MATN2: variants seen among roughly 807,000 people sequenced by gnomAD.
The protein encoded by MATN2 is matrilin-2.
MATN2 carries 69 observed loss-of-function variants against 103.2 expected under a neutral mutation model. That is an observed-to-expected ratio of 0.67 (90% CI 0.55 to 0.82). The LOEUF (loss-of-function observed/expected upper bound fraction) is 0.82, where lower values mean the gene tolerates loss of function less well. Ranked by LOEUF, MATN2 falls within the 40% of genes least tolerant of loss-of-function variation. MATN2 has a pLI of 0.00. For synonymous variants in MATN2, 429 were observed against 450.2 expected, an observed-to-expected ratio of 0.95 and a Z score of 0.60; for missense variants, 1,023 against 1,211.5, an observed-to-expected ratio of 0.84 and a Z score of 2.31.
intron 2 of MATN2, among the ~76,000 whole-genome samples, chr8:97,921,134 G>A (rs770242520): frequency 2.6e-5 from 4 of 152,128 alleles, no homozygotes; most frequent in Admixed American, 6.5e-5. Context: ...TTCTGGGCCT[G>A]TCTGTGTTAC....
At chr8:97,945,717 A>AATATATATATATATATATAT (rs1554605716) in intron 4 of MATN2, among the ~76,000 whole-genome samples, 6 of 121,830 alleles carry the variant, frequency 4.9e-5, no homozygotes, top group African/African-American at 1.9e-4. Flanking sequence ...AAAAAAAAAA[A>AATATATATATATATATATAT]ATATATATAT....
intron 2 of MATN2, among the ~76,000 whole-genome samples, chr8:97,900,546 G>A (rs1477454314): frequency 6.6e-6 from 1 of 152,166 alleles, no homozygotes; most frequent in Non-Finnish European, 1.5e-5. Flanking sequence ...GCAAAGGCTG[G>A]GAAGGGCTGC....
intron 2 of MATN2, among the ~76,000 whole-genome samples, chr8:97,907,271 G>A (rs556092190): frequency 5.8e-4 from 87 of 150,974 alleles, no homozygotes; most frequent in African/African-American, 2.0e-3. Context: ...AAACTGCTGG[G>A]ATTACAGAAG....
chr8:98,007,212 C>G lies in MATN2; in HGVS notation c.1435C>G (p.Leu479Val). The G allele has an allele frequency of 6.2e-7, 1 of 1,613,956 alleles. No individual in the cohort carries two copies. The highest frequency in any genetic ancestry group is 2.2e-5 in the East Asian group (1 of 44,876). The change falls in exon 9 of 19, where the codon CTC becomes GTC. Residue 479 changes from leucine to valine, a missense_variant. Transcript: ENST00000254898. This position sits in a 1 kb window ranked among gnomAD's most constrained non-coding sequence, Gnocchi z 4.2. ...CSEGFLINED[L>V]KTCSRVDYCL... Reference sequence around the variant, plus strand: ...AGAAGGCTTCCTCATCAACGAGGACCTCAAGACCTGCTCCCGTGAGTCCCT... The same window carrying G: ...AGAAGGCTTCCTCATCAACGAGGACGTCAAGACCTGCTCCCGTGAGTCCCT...
intron 2 of MATN2, among the ~76,000 whole-genome samples, chr8:97,914,441 G>A (rs1160603489): frequency 3.1e-5 from 4 of 129,086 alleles, no homozygotes; most frequent in African/African-American, 8.9e-5. Context: ...CACAATAATG[G>A]CTTACTGCAT....
chr8:97,961,508 T>A lies in MATN2; in HGVS notation c.936T>A (p.Ala312=). ...AGTGCTACAGTGGCTACGCCCTGGC[T>A]GAGGATGGGAAGAGGTGTGTGGGTG... is the stretch of plus-strand genomic sequence containing the variant. ...VCQCYSGYAL[A]EDGKRCVAVD... is the part of the protein sequence containing the mutation. Residue 312 remains alanine (A), a synonymous_variant, in exon 5 of 19, where the codon GCT becomes GCA. Transcript: ENST00000254898. 6.2e-7 allele frequency: 1 copy of A among 1,613,330 alleles called. No individual in the cohort carries two copies. Among genetic ancestry groups the A allele is most frequent in the Non-Finnish European group, 8.5e-7 (1 of 1,179,554 alleles).
chr8:98,013,437 A>G (rs1446660412), intron 10 of MATN2, among the ~76,000 whole-genome samples: 1 of 152,226 alleles, frequency 6.6e-6, no homozygotes, highest in Non-Finnish European at 1.5e-5. Flanking sequence ...GGTGGATCTA[A>G]TTACCCTCAA....
intron 5 of MATN2, among the ~76,000 whole-genome samples, chr8:97,963,323 C>T (rs761816061): frequency 6.6e-6 from 1 of 152,032 alleles, no homozygotes; most frequent in African/African-American, 2.4e-5. Context: ...CTTCAGGAAA[C>T]AGGATGAGGG....
intron 2 of MATN2, among the ~76,000 whole-genome samples, chr8:97,888,491 T>C (rs1251395239): frequency 1.3e-5 from 2 of 152,196 alleles, no homozygotes; most frequent in East Asian, 3.8e-4. Context: ...TCTCCAATAT[T>C]CAGGGCAAGA....
chr8:97,936,730 C>T (rs2130165201), intron 3 of MATN2, among the ~76,000 whole-genome samples: 1 of 152,300 alleles, frequency 6.6e-6, no homozygotes, highest in South Asian at 2.1e-4. Context: ...GCTCATAGGA[C>T]TGTTTCCAGC....
At chr8:97,939,209 C>T (rs1031728440) in intron 3 of MATN2, among the ~76,000 whole-genome samples, 1 of 152,070 alleles carries the variant, frequency 6.6e-6, no homozygotes, top group Non-Finnish European at 1.5e-5. Flanking sequence ...ACCATTGATT[C>T]ATTAACATCA....
At chr8:97,948,049 T>C (rs1810811586) in intron 4 of MATN2, among the ~76,000 whole-genome samples, 1 of 152,152 alleles carries the variant, frequency 6.6e-6, no homozygotes, top group Non-Finnish European at 1.5e-5. Context: ...AATGAAGTAC[T>C]TAGGAACAAT....
intron 10 of MATN2, among the ~76,000 whole-genome samples, chr8:98,008,533 C>T (rs188279434): frequency 3.9e-5 from 6 of 152,218 alleles, no homozygotes; most frequent in Admixed American, 1.3e-4. Context: ...CACAGCTGGG[C>T]GTGCCTCTCT....
intron 4 of MATN2, among the ~76,000 whole-genome samples, chr8:97,954,845 T>C (rs1811093565): frequency 6.6e-6 from 1 of 152,212 alleles, no homozygotes; most frequent in Non-Finnish European, 1.5e-5. Flanking sequence ...AAATAATTAG[T>C]TGCAAATTAA....
chr8:97,907,926 C>G (rs978120521), intron 2 of MATN2, among the ~76,000 whole-genome samples: 2 of 152,002 alleles, frequency 1.3e-5, no homozygotes, highest in Admixed American at 6.6e-5. Flanking sequence ...TAACCTGAGG[C>G]GAGGAGTTTG....
chr8:97,934,107 T>C (rs1810296453), intron 3 of MATN2, among the ~76,000 whole-genome samples: 1 of 152,180 alleles, frequency 6.6e-6, no homozygotes. Flanking sequence ...AGGTAAACCA[T>C]TTTCTGGTGG....
intron 7 of MATN2, among the ~76,000 whole-genome samples, chr8:98,001,350 C>G (rs536478684): frequency 4.6e-5 from 7 of 152,190 alleles, no homozygotes; most frequent in African/African-American, 1.7e-4. Context: ...CTTGTCACCT[C>G]TTGGTTACAA....
intron 6 of MATN2, among the ~76,000 whole-genome samples, chr8:97,988,189 T>TATATATACACAC (rs71570279): frequency 3.6e-5 from 2 of 54,956 alleles, no homozygotes; most frequent in African/African-American, 1.6e-4. Context: ...TATATATATA[T>TATATATACACAC]ACACACACAC....
intron 4 of MATN2, among the ~76,000 whole-genome samples, chr8:97,942,532 T>C (rs1440953230): frequency 2.6e-5 from 4 of 152,226 alleles, no homozygotes; most frequent in Admixed American, 6.5e-5. Flanking sequence ...GAATTACTCA[T>C]ACACTGAGTA....
Sources: gnomAD v4.1 joint callset for allele counts (sites outside exome capture counted in the v4.1 genomes callset) on GRCh38, gnomAD v4.1.1 for gene constraint, Gnocchi (gnomAD v3.1) non-coding constraint, MANE v1.5 for transcripts, NCBI Gene and HGNC (gene_info 2026-07-23, HGNC 2026-07-21) for gene names.